HBEGF: variants seen among roughly 807,000 people sequenced by gnomAD.
The protein encoded by HBEGF is proheparin-binding EGF-like growth factor.
In HBEGF, 8 loss-of-function variants were observed where a neutral mutation model predicts 19.5. That is an observed-to-expected ratio of 0.41 (90% CI 0.24 to 0.74). The LOEUF is 0.74. Ranked by LOEUF, HBEGF falls within the 30% of genes least tolerant of loss-of-function variation. The pLI, the probability that HBEGF is intolerant of heterozygous loss-of-function variation, is 0.32. For synonymous variants in HBEGF, 97 were observed against 108.9 expected (o/e 0.89, Z 0.68); for missense variants, 207 against 256.9 (o/e 0.81, Z 1.33).
At chr5:140,345,885 C>T in intron 2 of HBEGF, 26 bp downstream of exon 2, 1 of 1,613,466 alleles carries the variant, frequency 6.2e-7, no homozygotes, top group Non-Finnish European at 8.5e-7. Flanking sequence ...CACCAAGGTC[C>T]AAGGATGGGG....
At chr5:140,337,020 G>A (rs992307566) in intron 3 of HBEGF, among the ~76,000 whole-genome samples, 23 of 151,710 alleles carry the variant, frequency 1.5e-4, no homozygotes, top group Admixed American at 1.3e-3. Flanking sequence ...TAGAAGAGAC[G>A]GAGTTTCACC....
chr5:140,337,277 A>T (rs941726553), intron 3 of HBEGF, among the ~76,000 whole-genome samples: 1 of 152,222 alleles, frequency 6.6e-6, no homozygotes, highest in Non-Finnish European at 1.5e-5. Flanking sequence ...CCTGTTTTAC[A>T]GAAAGGTGGA....
In HBEGF at chr5:140,334,835, G is replaced by A. The variant is rs975291295; in HGVS notation, c.555-87C>T. ...AGGTCCTTCCAAAGAACTCTGCCAT[G>A]GTGGTTTCCTCTACTACTTGGAAAA... On this transcript the variant is annotated intron_variant, in intron 4 of 5. Coordinates refer to ENST00000230990, the MANE Select transcript of HBEGF (RefSeq NM_001945.3). The A allele has an allele frequency of 1.9e-5, 21 of 1,083,624 alleles. No homozygotes were observed. The Admixed American group carries it at 3.6e-4, about 18-fold the overall frequency. The allele number at this position is 1,083,624 out of a possible 1,614,324, so 67.1% of individuals were successfully genotyped here.
chr5:140,335,924 C>T lies in HBEGF; in HGVS notation c.502G>A (p.Val168Met). ...AGCAGACAGACAGATGACAGCACCA[C>T]AGCCACCACGGCCAGGATGGTTGTG... ...DHTTILAVVAVVLSSVCLLVI... is the reference protein window; with the variant it reads ...DHTTILAVVAMVLSSVCLLVI... The change falls in exon 4 of 6, where the codon GTG (valine) becomes ATG (methionine). Residue 168 changes from valine (V) to methionine (M), a missense_variant. Coordinates refer to ENST00000230990, the MANE Select transcript of HBEGF (RefSeq NM_001945.3). The T allele has an allele frequency of 6.2e-7, 1 of 1,614,184 alleles. No homozygotes were observed. Among genetic ancestry groups the T allele is most frequent in the East Asian group, 2.2e-5 (1 of 44,880 alleles).
In HBEGF at chr5:140,335,748, C is replaced by T. The variant is rs542149533; in HGVS notation, c.554+124G>A. ...ACCAGGTTTTTGGAGAATCTACACC[C>T]CGGAGCTAGCCCATGATTTGGAAAG... On this transcript the variant is annotated intron_variant, in intron 4 of 5. Transcript: ENST00000230990. 1.7e-4 allele frequency: 175 copies of T among 1,051,608 alleles called. 1 individual carries two copies. In the African/African-American group the frequency reaches 2.5e-3, roughly 15 times the overall value. 65.1% of individuals were successfully genotyped at this position (1,051,608 alleles called of 1,614,324 possible).
chr5:140,333,278 C>G lies in HBEGF; in HGVS notation c.*1021G>C, dbSNP rs1045881139. ...AAAGCTACAGGCATGGAAGCCCAAC[C>G]TCTTCTGAGACTTGGCAGGGAGAGG... On this transcript the variant is annotated 3_prime_UTR_variant, in exon 6 of 6. Coordinates refer to ENST00000230990, the MANE Select transcript of HBEGF (RefSeq NM_001945.3). 1 of 154,180 alleles carries G rather than the reference C, an allele frequency of 6.5e-6. No homozygotes were observed. The highest frequency in any genetic ancestry group is 1.4e-5 in the Non-Finnish European group (1 of 68,968). 9.6% of individuals were successfully genotyped at this position (154,180 alleles called of 1,614,324 possible).
In HBEGF at chr5:140,339,128, C is replaced by T. The variant is rs182313376; in HGVS notation, c.399-3101G>A. 2.4e-3 allele frequency among the ~76,000 whole-genome samples: 364 copies of T among 152,328 alleles called. 8 individuals are homozygous for T. Among genetic ancestry groups the T allele is most frequent in the Non-Finnish European group, 1.3e-3 (90 of 68,040 alleles). On this transcript the variant is annotated intron_variant, in intron 3 of 5. Transcript: ENST00000230990. ...AAGTCCCACATTGTGTGAGTTATTA[C>T]ATAATCAGACTCCAGAGGTTACTGC...
chr5:140,344,136 T>TAA (rs5871732), intron 2 of HBEGF, among the ~76,000 whole-genome samples: 1 of 138,432 alleles, frequency 7.2e-6, no homozygotes. Context: ...AGACTATGTT[T>TAA]AAAAAAAAAA....
Position 140,333,892 on chromosome 5 carries a change from T to C in HBEGF, c.*407A>G, listed in dbSNP as rs1766188551. ...GGCTTCTCAATCTTTGTTGCTTTCT[T>C]CCAGTTCACAAATCTTTCCTTCTTG... On this transcript the variant is annotated 3_prime_UTR_variant, in exon 6 of 6. Coordinates refer to ENST00000230990, the MANE Select transcript of HBEGF (RefSeq NM_001945.3). 6.6e-6 allele frequency: 1 copy of C among 152,436 alleles called. No individual in the cohort carries two copies. Among genetic ancestry groups the C allele is most frequent in the Non-Finnish European group, 1.5e-5 (1 of 68,028 alleles). The allele number at this position is 152,436 out of a possible 1,614,324, so 9.4% of individuals were successfully genotyped here. A position where few individuals can be genotyped will look rare whatever the true frequency, so the allele number is the denominator to read the frequency against.
Position 140,346,349 on chromosome 5 carries a change from C to T in HBEGF, c.-21G>A. 1 of 1,603,894 alleles carries T rather than the reference C, an allele frequency of 6.2e-7. No homozygotes were observed. ...TTCATGGTCCCGCACCGAGAGGAGG[C>T]GGCGAGGCACCAGTCACTTTCGAAG... is the stretch of plus-strand genomic sequence containing the variant. On this transcript the variant is annotated 5_prime_UTR_variant, in exon 1 of 6. Coordinates refer to ENST00000230990, the MANE Select transcript of HBEGF (RefSeq NM_001945.3). This position sits in a 1 kb window ranked among gnomAD's most constrained non-coding sequence, Gnocchi z 6.1.
chr5:140,335,760 C>G, intron 4 of HBEGF, 112 bp downstream of exon 4: 2 of 1,165,256 alleles, frequency 1.7e-6, no homozygotes, highest in South Asian at 2.9e-5. Flanking sequence ...GGAGCTAGCC[C>G]ATGATTTGGA....
At chr5:140,345,808 G>T in intron 2 of HBEGF, 103 bp downstream of exon 2, 1 of 1,415,072 alleles carries the variant, frequency 7.1e-7, no homozygotes, top group Non-Finnish European at 9.9e-7. Flanking sequence ...GGTTCTCCAT[G>T]AATACCCTCA....
intron 3 of HBEGF, among the ~76,000 whole-genome samples, chr5:140,337,252 G>A (rs1372032452): frequency 6.6e-6 from 1 of 152,202 alleles, no homozygotes; most frequent in Non-Finnish European, 1.5e-5. Context: ...GAGATCCTTT[G>A]ATATAAGTAG....
rs777978667 is a variant in HBEGF at position 140,346,315 on chromosome 5, G to A, written c.14C>T (p.Pro5Leu). 2 of 1,609,130 alleles carry A rather than the reference G, an allele frequency of 1.2e-6. No homozygotes were observed. The highest frequency in any genetic ancestry group is 1.1e-5 in the South Asian group (1 of 90,292). The change falls in exon 1 of 6, where the codon CCG (proline) becomes CTG (leucine). Residue 5 changes from proline to leucine, a missense_variant. Around this residue, in one of 3 missense-constraint regions of HBEGF, gnomAD observed 127 missense variants for 132.7 expected, o/e 0.96. Transcript: ENST00000230990. The surrounding 1 kb of genome is among the most constrained non-coding windows in gnomAD (Gnocchi z 6.1). Reference sequence around the variant, plus strand: ...CAGAAAGAGCTTCAGCACCACCGACGGCAGCAGCTTCATGGTCCCGCACCG... The same window carrying A: ...CAGAAAGAGCTTCAGCACCACCGACAGCAGCAGCTTCATGGTCCCGCACCG... Reference protein sequence around the residue: MKLLPSVVLKLFLAA... With the variant: MKLLLSVVLKLFLAA...
chr5:140,336,044 C>T lies in HBEGF; in HGVS notation c.399-17G>A, dbSNP rs1561539120. 6.2e-7 allele frequency: 1 copy of T among 1,611,790 alleles called. No homozygotes were observed. Among genetic ancestry groups the T allele is most frequent in the Non-Finnish European group, 8.5e-7 (1 of 1,178,918 alleles). Reference sequence around the variant, plus strand: ...GGGTGGCAGCTAGTTCAAGACAGAACAAGAAGGAGATGGAGTTAGTGCTTT... The same window carrying T: ...GGGTGGCAGCTAGTTCAAGACAGAATAAGAAGGAGATGGAGTTAGTGCTTT... On this transcript the variant is annotated splice_polypyrimidine_tract_variant and intron_variant, in intron 3 of 5. Coordinates refer to ENST00000230990, the MANE Select transcript of HBEGF (RefSeq NM_001945.3).
intron 2 of HBEGF, among the ~76,000 whole-genome samples, chr5:140,345,402 T>C (rs1278135449): frequency 6.6e-6 from 1 of 152,200 alleles, no homozygotes; most frequent in Admixed American, 6.5e-5. Context: ...CAGCCTCATC[T>C]AGGGCGGCCA....
At chr5:140,335,362 C>T (rs4150231) in intron 4 of HBEGF, among the ~76,000 whole-genome samples, 9,825 of 137,370 alleles carry the variant, frequency 0.072, 466 homozygotes, top group Middle Eastern at 0.11. Context: ...CCAGCCTGGG[C>T]GACAGAGCAA....
intron 2 of HBEGF, among the ~76,000 whole-genome samples, chr5:140,343,613 G>C (rs551184909): frequency 6.6e-6 from 1 of 152,288 alleles, no homozygotes; most frequent in East Asian, 1.9e-4. Context: ...CTGGAACAAT[G>C]ATGACTCCCT....
At chr5:140,335,701 G>C (rs1275284932) in intron 4 of HBEGF, among the ~76,000 whole-genome samples, 171 bp downstream of exon 4, 1 of 152,152 alleles carries the variant, frequency 6.6e-6, no homozygotes, top group Non-Finnish European at 1.5e-5. Context: ...TCTAGACACA[G>C]GACTCATGTC....
Sources: allele counts gnomAD v4.1 joint callset (sites outside exome capture counted in the v4.1 genomes callset), GRCh38; gene constraint gnomAD v4.1.1; regional missense constraint gnomAD v4.1.1; non-coding constraint Gnocchi (gnomAD v3.1); transcripts MANE v1.5; gene names NCBI Gene and HGNC (gene_info 2026-07-23, HGNC 2026-07-21).